The following ADGRL2 variants were observed in gnomAD, a reference collection of about 807,000 sequenced individuals.
ADGRL2 encodes the protein adhesion G protein-coupled receptor L2.
Under a neutral mutation model 157.4 loss-of-function variants are expected in ADGRL2, and 44 were observed. The observed-to-expected ratio is 0.28, with a 90% CI of 0.22 to 0.36. The LOEUF is 0.36. Ranked by LOEUF, ADGRL2 falls within the 10% of genes least tolerant of loss-of-function variation. ADGRL2 has a pLI of 1.00. For synonymous variants in ADGRL2, 585 were observed against 624.7 expected, an observed-to-expected ratio of 0.94 and a Z score of 0.95; for missense variants, 1,510 against 1,768.9, an observed-to-expected ratio of 0.85 and a Z score of 2.63.
intron 1 of ADGRL2, among the ~76,000 whole-genome samples, chr1:81,819,119 G>A (rs112052900): frequency 2.1e-4 from 32 of 152,120 alleles, no homozygotes; most frequent in Non-Finnish European, 1.5e-5. Context: ...ATTCAAGGTG[G>A]TGTATCCAAT....
At chr1:81,634,394 T>A (rs973793303) in intron 3 of ADGRL2, among the ~76,000 whole-genome samples, 2 of 152,044 alleles carry the variant, frequency 1.3e-5, no homozygotes, top group East Asian at 3.9e-4. Flanking sequence ...CCATTGCAAG[T>A]GGACTTTAAA....
At chr1:81,309,069 G>A (rs11163247) in intron 1 of ADGRL2, among the ~76,000 whole-genome samples, 59,222 of 151,924 alleles carry the variant, frequency 0.39, 12,386 homozygotes, top group Middle Eastern at 0.5. Context: ...TATGGAAGGT[G>A]TTAATAAGTT....
intron 1 of ADGRL2, among the ~76,000 whole-genome samples, chr1:81,713,428 A>G (rs1427097968): frequency 6.6e-6 from 1 of 152,208 alleles, no homozygotes; most frequent in Non-Finnish European, 1.5e-5. Context: ...CAGAAGAGGT[A>G]AGGTTAGAAG....
chr1:81,537,401 A>C (rs997804505), intron 2 of ADGRL2, among the ~76,000 whole-genome samples: 1 of 152,034 alleles, frequency 6.6e-6, no homozygotes, highest in African/African-American at 2.4e-5. Flanking sequence ...CTCCTGCCTC[A>C]GCCTCTGGAG....
intron 1 of ADGRL2, among the ~76,000 whole-genome samples, chr1:81,378,753 G>A (rs906571251): frequency 1.3e-5 from 2 of 152,056 alleles, no homozygotes; most frequent in South Asian, 4.1e-4. Flanking sequence ...GAAATGCCCA[G>A]GACATAGTAC....
chr1:81,612,987 T>C (rs1454748173), intron 3 of ADGRL2, among the ~76,000 whole-genome samples: 3 of 152,210 alleles, frequency 2.0e-5, no homozygotes, highest in Non-Finnish European at 4.4e-5. Flanking sequence ...AAATGCTAGA[T>C]GATCATGACA....
At chr1:81,805,083 T>G (rs2088911014) in intron 1 of ADGRL2, among the ~76,000 whole-genome samples, 1 of 152,130 alleles carries the variant, frequency 6.6e-6, no homozygotes, top group South Asian at 2.1e-4. Context: ...GTTTCAAAAT[T>G]TTTGTATCTT....
intron 2 of ADGRL2, among the ~76,000 whole-genome samples, chr1:81,879,037 A>G (rs1305948852): frequency 6.6e-6 from 1 of 152,246 alleles, no homozygotes; most frequent in African/African-American, 2.4e-5. Context: ...CAATGAAATG[A>G]AAACCAAATA....
At chr1:81,779,966 A>G (rs1037976548) in intron 2 of ADGRL2, among the ~76,000 whole-genome samples, 1 of 152,204 alleles carries the variant, frequency 6.6e-6, no homozygotes, top group Non-Finnish European at 1.5e-5. Flanking sequence ...TAAATCCCTA[A>G]CACTAAGATA....
At chr1:81,849,341 C>G (rs2092916679) in intron 2 of ADGRL2, among the ~76,000 whole-genome samples, 1 of 151,822 alleles carries the variant, frequency 6.6e-6, no homozygotes, top group Non-Finnish European at 1.5e-5. Context: ...TAAAAGCATT[C>G]AGAAATGTTA....
At chr1:81,518,288 T>C (rs1358688226) in intron 2 of ADGRL2, among the ~76,000 whole-genome samples, 1 of 152,160 alleles carries the variant, frequency 6.6e-6, no homozygotes, top group Non-Finnish European at 1.5e-5. Flanking sequence ...TGATTGCTCC[T>C]TTCTCTTTAG....
intron 2 of ADGRL2, among the ~76,000 whole-genome samples, chr1:81,448,657 T>A (rs533181671): frequency 6.6e-6 from 1 of 152,018 alleles, no homozygotes; most frequent in South Asian, 2.1e-4. Flanking sequence ...GAGACATGCC[T>A]GGGCAACATG....
chr1:81,725,265 C>A (rs2149146534), intron 1 of ADGRL2, among the ~76,000 whole-genome samples: 1 of 150,670 alleles, frequency 6.6e-6, no homozygotes, highest in East Asian at 2.0e-4. Flanking sequence ...TGACGCCAGG[C>A]ACGGTGGCTC....
intron 2 of ADGRL2, among the ~76,000 whole-genome samples, chr1:81,452,453 C>T (rs1276776908): frequency 1.3e-5 from 2 of 152,120 alleles, no homozygotes; most frequent in African/African-American, 4.8e-5. Context: ...GTATCCTCAG[C>T]ATCCAGCCCA....
chr1:81,787,251 G>C (rs1408953589), intron 2 of ADGRL2, among the ~76,000 whole-genome samples: 1 of 152,072 alleles, frequency 6.6e-6, no homozygotes, highest in Non-Finnish European at 1.5e-5. Context: ...TTTATTTCAT[G>C]TGTCATTTCT....
At chr1:81,910,089 G>C (rs2148379756) in intron 3 of ADGRL2, among the ~76,000 whole-genome samples, 1 of 151,614 alleles carries the variant, frequency 6.6e-6, no homozygotes, top group Non-Finnish European at 1.5e-5. Flanking sequence ...AAAATATAAA[G>C]ATTAGCCAGG....
intron 2 of ADGRL2, among the ~76,000 whole-genome samples, chr1:81,789,987 G>A (rs530084559): frequency 3.9e-5 from 6 of 152,180 alleles, no homozygotes; most frequent in African/African-American, 9.6e-5. Flanking sequence ...ATAATTTGTC[G>A]AAGATGTTTT....
chr1:81,809,178 A>T (rs2089539056), intron 1 of ADGRL2, among the ~76,000 whole-genome samples: 1 of 151,946 alleles, frequency 6.6e-6, no homozygotes, highest in South Asian at 2.1e-4. Context: ...AGACACAGGG[A>T]TTACACCTTA....
intron 1 of ADGRL2, among the ~76,000 whole-genome samples, chr1:81,751,125 A>C (rs1180839203): frequency 6.6e-6 from 1 of 152,206 alleles, no homozygotes; most frequent in Non-Finnish European, 1.5e-5. Context: ...TGTCAGACAG[A>C]AGAGGATCAT....
Sources: allele counts gnomAD v4.1 joint callset (sites outside exome capture counted in the v4.1 genomes callset), GRCh38; gene constraint gnomAD v4.1.1; transcripts MANE v1.5; gene names NCBI Gene and HGNC (gene_info 2026-07-23, HGNC 2026-07-21).